Variants in TEX14 observed in about 807,000 individuals in gnomAD.
TEX14 encodes the protein inactive serine/threonine-protein kinase TEX14.
A neutral mutation model predicts 178.6 loss-of-function variants in TEX14; 168 were observed. The ratio of observed to expected loss-of-function variants is 0.94; its 90% CI spans 0.83 to 1.07. TEX14 has a LOEUF of 1.07. TEX14 is among the 50% of genes least tolerant of loss of function. The pLI, the probability that TEX14 is intolerant of heterozygous loss-of-function variation, is 0.00. For missense variants in TEX14, 1,730 were observed against 1,753.6 expected, an observed-to-expected ratio of 0.99 and a Z score of 0.24; for synonymous variants, 626 against 634.1, an observed-to-expected ratio of 0.99 and a Z score of 0.19.
chr17:58,597,091 T>C (rs1211790869), intron 14 of TEX14, among the ~76,000 whole-genome samples: 2 of 152,096 alleles, frequency 1.3e-5, no homozygotes, highest in Non-Finnish European at 2.9e-5. Flanking sequence ...CTATCTTCCC[T>C]GTATAGGCAA....
intron 3 of TEX14, among the ~76,000 whole-genome samples, chr17:58,623,823 GA>G (rs745448209): frequency 1.4e-5 from 2 of 146,284 alleles, no homozygotes; most frequent in East Asian, 2.1e-4. Context: ...GAGGGAAGGG[GA>G]GGGGGAGGCA....
intron 14 of TEX14, 131 bp downstream of exon 14, chr17:58,598,745 C>T (rs2144467363): frequency 1.1e-6 from 1 of 924,590 alleles, no homozygotes; most frequent in Non-Finnish European, 1.7e-6. Context: ...TCCTCCCACT[C>T]AGGTTACCTG....
intron 10 of TEX14, among the ~76,000 whole-genome samples, chr17:58,609,255 G>A (rs958693062): frequency 1.3e-4 from 20 of 152,292 alleles, no homozygotes; most frequent in African/African-American, 3.6e-4. Flanking sequence ...GACTACAGGC[G>A]CCTGCCACCA....
chr17:58,574,293 A>G, intron 21 of TEX14, 44 bp from the exon 22 acceptor site: 1 of 1,462,028 alleles, frequency 6.8e-7, no homozygotes, highest in Non-Finnish European at 9.6e-7. Context: ...CCCCTCTGTG[A>G]ACAAAGTACA....
chr17:58,688,940 T>C (rs1962977602), intron 1 of TEX14, among the ~76,000 whole-genome samples: 1 of 151,424 alleles, frequency 6.6e-6, no homozygotes, highest in African/African-American at 2.4e-5. Context: ...TATACATATA[T>C]TTTTTTTTGA....
chr17:58,574,675 C>CA (rs1177255314), intron 21 of TEX14, among the ~76,000 whole-genome samples: 16,087 of 43,832 alleles, frequency 0.37, 5,409 homozygotes, highest in African/African-American at 0.5. Flanking sequence ...ACTCCATCTC[C>CA]AAAAAAAAAA....
At chr17:58,625,604 C>T (rs2046117861) in intron 3 of TEX14, among the ~76,000 whole-genome samples, 1 of 152,188 alleles carries the variant, frequency 6.6e-6, no homozygotes, top group Non-Finnish European at 1.5e-5. Context: ...AAAATGTGTA[C>T]TATCATATTT....
chr17:58,664,115 C>T (rs2047166761), intron 1 of TEX14, among the ~76,000 whole-genome samples: 1 of 152,220 alleles, frequency 6.6e-6, no homozygotes, highest in African/African-American at 2.4e-5. Flanking sequence ...AGGACAATTG[C>T]TGGATTACCT....
intron 1 of TEX14, among the ~76,000 whole-genome samples, chr17:58,686,531 A>C (rs1350615570): frequency 2.0e-5 from 3 of 152,252 alleles, no homozygotes; most frequent in African/African-American, 7.2e-5. Flanking sequence ...TACAAATTTG[A>C]GAGTCACTGC....
intron 2 of TEX14, among the ~76,000 whole-genome samples, chr17:58,648,290 C>T (rs902194043): frequency 6.6e-6 from 1 of 152,180 alleles, no homozygotes; most frequent in African/African-American, 2.4e-5. Context: ...GTGCTCTCTT[C>T]TGCTGACTTC....
chr17:58,601,249 G>A lies in TEX14; in HGVS notation c.1678+557C>T, dbSNP rs541336398. Among the ~76,000 whole-genome samples the A allele has an allele frequency of 3.3e-5, 5 of 152,080 alleles. No individual in the cohort carries two copies. The East Asian group carries it at 7.7e-4, about 24-fold the overall frequency. ...AAAAATTTAAAAAGTAAGGCTGGGCGCAGTGGCTCACACCTGTAATCCCAG... is the reference window on the plus strand; with the variant it reads ...AAAAATTTAAAAAGTAAGGCTGGGCACAGTGGCTCACACCTGTAATCCCAG... On this transcript the variant is annotated intron_variant, in intron 13 of 31. Coordinates refer to ENST00000349033, the MANE Select transcript of TEX14 (RefSeq NM_031272.5).
chr17:58,658,556 AT>A (rs66857624), intron 1 of TEX14, among the ~76,000 whole-genome samples: 96,222 of 151,244 alleles, frequency 0.64, 30,980 homozygotes, highest in African/African-American at 0.71. Flanking sequence ...TGCCTGGCTA[AT>A]TTTTTTGTAT....
chr17:58,557,015 T>A lies in TEX14; in HGVS notation c.4352A>T (p.Asp1451Val), dbSNP rs1159497043. The change falls in exon 32 of 32, where the codon GAC becomes GTC. Residue 1451 changes from aspartate (D) to valine (V), a missense_variant. Physicochemically the swap from Asp to Val is radical, Grantham distance 152. Transcript: ENST00000349033. ...IIVLDQSDLSD is the reference protein window; with the variant it reads ...IIVLDQSDLSV ...CCGTCTATGATCCAATTCCAATCAGTCTGACAAGTCACTCTGATCCAGCAC... is the reference window on the plus strand; with the variant it reads ...CCGTCTATGATCCAATTCCAATCAGACTGACAAGTCACTCTGATCCAGCAC... 6.2e-7 allele frequency: 1 copy of A among 1,613,512 alleles called. No homozygotes were observed. Among genetic ancestry groups the A allele is most frequent in the Admixed American group, 1.7e-5 (1 of 60,028 alleles).
rs1386886465 is a variant in TEX14, at chr17:58,682,267, T to C, written c.-2+9672A>G. Among the ~76,000 whole-genome samples, 6 of 151,450 alleles carry C rather than the reference T, an allele frequency of 4.0e-5. No individual in the cohort carries two copies. The South Asian group carries it at 6.3e-4, about 16-fold the overall frequency. On this transcript the variant is annotated intron_variant, in intron 1 of 31. Coordinates refer to ENST00000349033, the MANE Select transcript of TEX14 (RefSeq NM_031272.5). Reference sequence around the variant, plus strand: ...GCCCAGGCCACAGAGTCTTTCTTTTTTTTTTTTTGTGACAGAGTCTTACTC... The same window carrying C: ...GCCCAGGCCACAGAGTCTTTCTTTTCTTTTTTTTGTGACAGAGTCTTACTC...
At chr17:58,615,998 A>C (rs539296649) in intron 7 of TEX14, among the ~76,000 whole-genome samples, 177 bp downstream of exon 7, 1 of 152,320 alleles carries the variant, frequency 6.6e-6, no homozygotes, top group Non-Finnish European at 1.5e-5. Context: ...CCCAACAACA[A>C]AGGATCATCT....
intron 3 of TEX14, among the ~76,000 whole-genome samples, chr17:58,624,141 G>A (rs1043768030): frequency 3.3e-5 from 5 of 151,700 alleles, no homozygotes; most frequent in Non-Finnish European, 7.4e-5. Flanking sequence ...AAAATTAGCC[G>A]GGCGTAGGTG....
At chr17:58,662,281 T>C (rs2047128222) in intron 1 of TEX14, among the ~76,000 whole-genome samples, 1 of 151,748 alleles carries the variant, frequency 6.6e-6, no homozygotes, top group African/African-American at 2.4e-5. Flanking sequence ...AAACCCCATC[T>C]CTACTAGAAA....
At chr17:58,634,848 C>T (rs2046398288) in intron 2 of TEX14, among the ~76,000 whole-genome samples, 1 of 152,034 alleles carries the variant, frequency 6.6e-6, no homozygotes, top group South Asian at 2.1e-4. Flanking sequence ...AATAATGTCT[C>T]CAGCCAGGCA....
At chr17:58,605,489 T>C (rs1264096636) in intron 10 of TEX14, among the ~76,000 whole-genome samples, 5 of 152,218 alleles carry the variant, frequency 3.3e-5, no homozygotes, top group African/African-American at 9.6e-5. Context: ...CCTGGAAACC[T>C]AGCTAGACAA....
Sources: gnomAD v4.1 joint callset for allele counts (sites outside exome capture counted in the v4.1 genomes callset) on GRCh38, gnomAD v4.1.1 for gene constraint, MANE v1.5 for transcripts, NCBI Gene and HGNC (gene_info 2026-07-23, HGNC 2026-07-21) for gene names.